The following ZNF33A variants were observed in gnomAD, a reference collection of about 807,000 sequenced individuals.
The protein encoded by ZNF33A is zinc finger protein 33A.
Under a neutral mutation model 15.9 loss-of-function variants are expected in ZNF33A, and 9 were observed. That is an observed-to-expected ratio of 0.57 (90% CI 0.34 to 0.99). The LOEUF (loss-of-function observed/expected upper bound fraction) is 0.99, where lower values mean the gene tolerates loss of function less well. Among genes scored for constraint, ZNF33A ranks in the 50% least tolerant of loss-of-function variants. ZNF33A has a pLI of 0.02. For missense variants in ZNF33A, 843 were observed against 941.6 expected, an observed-to-expected ratio of 0.90 and a Z score of 1.37; for synonymous variants, 294 against 324.2, an observed-to-expected ratio of 0.91 and a Z score of 1.00.
rs60524008 is a variant in ZNF33A at position 38,015,625 on chromosome 10, C to T, written c.10-1246C>T. On this transcript the variant is annotated intron_variant, in intron 2 of 4. Coordinates refer to ENST00000432900, the MANE Select transcript of ZNF33A (RefSeq NM_006954.2). ...TGTGAGCCACCATGCCAAGCCTATGCTTCAAATTTAATATAATTAGGATGT... is the reference window on the plus strand; with the variant it reads ...TGTGAGCCACCATGCCAAGCCTATGTTTCAAATTTAATATAATTAGGATGT... Among the ~76,000 whole-genome samples the T allele has an allele frequency of 2.6e-5, 4 of 152,234 alleles. No homozygotes were observed. The East Asian group carries it at 7.7e-4, about 29-fold the overall frequency.
chr10:38,033,204 C>CTG (rs2065288146), intron 4 of ZNF33A, among the ~76,000 whole-genome samples: 1 of 152,158 alleles, frequency 6.6e-6, no homozygotes, highest in African/African-American at 2.4e-5. Context: ...AAAAATGGAA[C>CTG]TGTGTGTGAC....
chr10:38,016,195 A>T (rs2064444003), intron 2 of ZNF33A: 3 of 410,316 alleles, frequency 7.3e-6, no homozygotes, highest in Non-Finnish European at 8.4e-6. Flanking sequence ...TGAGAGTTAA[A>T]TTAGAATTCA....
rs1000449802 is a variant in ZNF33A, at chr10:38,058,503, A to G, written c.*1943A>G. ...CTTCCAAGGCCAGGTACAGTGGTTC[A>G]TGCCTGTAATCCCAGCACTTCACTT... On this transcript the variant is annotated 3_prime_UTR_variant, in exon 5 of 5. Transcript: ENST00000432900. 6.6e-6 allele frequency: 1 copy of G among 152,268 alleles called. No homozygotes were observed. The highest frequency in any genetic ancestry group is 2.4e-5 in the African/African-American group (1 of 41,452). 9.4% of individuals were successfully genotyped at this position (152,268 alleles called of 1,614,324 possible).
At chr10:38,061,745 G>A (rs769516668), downstream of ZNF33A, among the ~76,000 whole-genome samples, 5 of 152,092 alleles carry the variant, frequency 3.3e-5, no homozygotes, top group Non-Finnish European at 5.9e-5. Flanking sequence ...AGGATCACTT[G>A]AGGTCAGGAG....
chr10:38,059,985 C>T lies in ZNF33A; in HGVS notation c.*3425C>T. ...ATGAGAATTCTCTATACTTTTTGCT[C>T]AACTTTCTGTAACCCTAAAGCTACT... On this transcript the variant is annotated 3_prime_UTR_variant, in exon 5 of 5. Transcript: ENST00000432900. The T allele has an allele frequency of 1.1e-6, 1 of 899,942 alleles. No homozygotes were observed. The highest frequency in any genetic ancestry group is 1.3e-6 in the Non-Finnish European group (1 of 752,078). The allele number at this position is 899,942 out of a possible 1,614,324, so 55.7% of individuals were successfully genotyped here. A position where few individuals can be genotyped will look rare whatever the true frequency, so the allele number is the denominator to read the frequency against.
At chr10:38,041,306 A>G (rs1043663238) in intron 4 of ZNF33A, among the ~76,000 whole-genome samples, 19 of 148,614 alleles carry the variant, frequency 1.3e-4, no homozygotes, top group African/African-American at 3.7e-4. Context: ...TCCACTCTCT[A>G]TGATTATGTG....
chr10:38,044,132 A>G (rs934296939), intron 4 of ZNF33A, among the ~76,000 whole-genome samples: 3 of 150,372 alleles, frequency 2.0e-5, no homozygotes, highest in African/African-American at 7.3e-5. Flanking sequence ...TGTTCTTTAG[A>G]TTACTTAATC....
At chr10:38,031,861 G>T (rs1173820482) in intron 4 of ZNF33A, among the ~76,000 whole-genome samples, 11 of 152,096 alleles carry the variant, frequency 7.2e-5, no homozygotes, top group Non-Finnish European at 1.3e-4. Flanking sequence ...TACTCGGGAG[G>T]CTGAGGCAGG....
intron 2 of ZNF33A, 82 bp from the exon 3 acceptor site, chr10:38,016,789 A>G (rs934961894): frequency 1.5e-5 from 23 of 1,495,422 alleles, no homozygotes; most frequent in South Asian, 1.3e-4. Context: ...GTATAAAACA[A>G]AACAATATTC....
rs765533632 is a variant in ZNF33A, at chr10:38,055,284, G to T, written c.1160G>T (p.Cys387Phe). 8.7e-6 allele frequency: 14 copies of T among 1,613,984 alleles called. No homozygotes were observed. In the African/African-American group the frequency reaches 1.6e-4, roughly 18 times the overall value. The change falls in exon 5 of 5, where the codon TGC becomes TTC. Residue 387 changes from cysteine to phenylalanine, a missense_variant. Coordinates refer to ENST00000432900, the MANE Select transcript of ZNF33A (RefSeq NM_006954.2). ...CACACAGGGGAGAAACCTTTTGAAT[G>T]CAATGAATGTGGGAAAGCCTTTAGC... is the stretch of plus-strand genomic sequence containing the variant. ...RSHTGEKPFE[C>F]NECGKAFSHK...
Position 38,056,157 on chromosome 10 carries a change from C to T in ZNF33A, c.2033C>T (p.Ser678Leu), listed in dbSNP as rs951706084. 48 of 1,614,058 alleles carry T rather than the reference C, an allele frequency of 3.0e-5. No individual in the cohort carries two copies. Among genetic ancestry groups the T allele is most frequent in the Non-Finnish European group, 4.0e-5 (47 of 1,179,984 alleles). ...NECGKSFCVK[S>L]GLIFHERKHT... ...TGTGGAAAATCTTTCTGTGTAAAATCAGGACTTATTTTCCATGAGAGAAAG... is the reference window on the plus strand; with the variant it reads ...TGTGGAAAATCTTTCTGTGTAAAATTAGGACTTATTTTCCATGAGAGAAAG... Residue 678 changes from serine (S) to leucine (L), a missense_variant, in exon 5 of 5, where the codon TCA becomes TTA. Ser to Leu is a moderately radical substitution (Grantham distance 145). Coordinates refer to ENST00000432900, the MANE Select transcript of ZNF33A (RefSeq NM_006954.2).
intron 4 of ZNF33A, among the ~76,000 whole-genome samples, chr10:38,044,857 G>A (rs868311433): frequency 3.3e-5 from 5 of 151,678 alleles, no homozygotes; most frequent in Admixed American, 1.3e-4. Context: ...TAGTAGAGAC[G>A]GGGTTTCACC....
At chr10:38,025,397 T>C (rs1029410928) in intron 4 of ZNF33A, among the ~76,000 whole-genome samples, 33 of 152,216 alleles carry the variant, frequency 2.2e-4, no homozygotes, top group Admixed American at 2.1e-3. Context: ...TTTGGAGATA[T>C]GCAGCCCTTG....
intron 4 of ZNF33A, among the ~76,000 whole-genome samples, chr10:38,022,657 CAAAAA>C (rs35295191): frequency 4.7e-4 from 43 of 90,926 alleles, no homozygotes; most frequent in African/African-American, 1.5e-3. Context: ...AACTCTGTCT[CAAAAA>C]AAAAAAAAAA....
chr10:38,016,900 A>G lies in ZNF33A; in HGVS notation c.39A>G (p.Ser13=), dbSNP rs2064473727. ...AACAGAAGTCCCAGGAGTCAGTATC[A>G]TTTAAAGATGTGACTGTGGGCTTCA... ...KVEQKSQESV[S]FKDVTVGFTQ... Residue 13 remains serine, a synonymous_variant, in exon 3 of 5, where the codon TCA becomes TCG. Transcript: ENST00000432900. 6.2e-7 allele frequency: 1 copy of G among 1,613,972 alleles called. No homozygotes were observed. The highest frequency in any genetic ancestry group is 1.1e-5 in the South Asian group (1 of 91,048).
chr10:38,014,035 A>ATTTTTTTT lies in ZNF33A; in HGVS notation c.9+1706_9+1713dup, dbSNP rs10658326. On this transcript the variant is annotated intron_variant, in intron 2 of 4. Coordinates refer to ENST00000432900, the MANE Select transcript of ZNF33A (RefSeq NM_006954.2). ...AAAGCCCCAAATTTAATGATGTCTG[A>ATTTTTTTT]TTTTTTTTTTTTTTTTTTTTTTTTT... Among the ~76,000 whole-genome samples, 17 of 80,388 alleles carry ATTTTTTTT rather than the reference A, an allele frequency of 2.1e-4. 3 individuals are homozygous for ATTTTTTTT. The highest frequency in any genetic ancestry group is 7.2e-4 in the African/African-American group (13 of 18,086). The allele number at this position is 80,388 out of a possible 152,430, so 52.7% of individuals were successfully genotyped here.
chr10:38,050,295 C>A (rs576752694), intron 4 of ZNF33A, among the ~76,000 whole-genome samples: 1 of 152,188 alleles, frequency 6.6e-6, no homozygotes, highest in African/African-American at 2.4e-5. Flanking sequence ...GTTATTAATA[C>A]CTCATGACCA....
rs778999795 is a variant in ZNF33A at position 38,054,423 on chromosome 10, C to G, written c.299C>G (p.Ser100Cys). 8 of 1,598,914 alleles carry G rather than the reference C, an allele frequency of 5.0e-6. No individual in the cohort carries two copies. The highest frequency in any genetic ancestry group is 6.8e-6 in the Non-Finnish European group (8 of 1,174,786). The change falls in exon 5 of 5, where the codon TCT becomes TGT. Residue 100 changes from serine (S) to cysteine (C), a missense_variant. By Grantham distance (112) the Ser-to-Cys change is moderately radical. Coordinates refer to ENST00000432900, the MANE Select transcript of ZNF33A (RefSeq NM_006954.2). The stretch of plus-strand genomic sequence containing the variant: ...AAAGAGAGGAGCCAAGAAAACCAAT[C>G]TAAACATTTGTGGGAAGTTGTATTC... ...HLKERSQENQ[S>C]KHLWEVVFIN... is the part of the protein sequence containing the mutation.
intron 1 of ZNF33A, among the ~76,000 whole-genome samples, chr10:38,011,671 G>T (rs1342526050): frequency 1.3e-5 from 2 of 152,148 alleles, no homozygotes; most frequent in Non-Finnish European, 2.9e-5. Context: ...TCACTGACTT[G>T]TTCAGGATCA....
Sources: gnomAD v4.1 joint callset for allele counts (sites outside exome capture counted in the v4.1 genomes callset) on GRCh38, gnomAD v4.1.1 for gene constraint, MANE v1.5 for transcripts, NCBI Gene and HGNC (gene_info 2026-07-23, HGNC 2026-07-21) for gene names.